The following NDUFV1 variants were observed in gnomAD, a reference collection of about 807,000 sequenced individuals.
The protein encoded by NDUFV1 is NADH dehydrogenase [ubiquinone] flavoprotein 1, mitochondrial.
Under a neutral mutation model 48.7 loss-of-function variants are expected in NDUFV1, and 41 were observed. The ratio of observed to expected loss-of-function variants is 0.84; its 90% confidence interval spans 0.66 to 1.09. The LOEUF (loss-of-function observed/expected upper bound fraction) is 1.09. Among genes scored for constraint, NDUFV1 ranks in the 50% least tolerant of loss-of-function variants. The probability of loss-of-function intolerance (pLI) is 0.00; values close to 1 mark genes in which losing one functional copy is unlikely to be tolerated. For missense variants in NDUFV1, 580 were observed against 645.4 expected (o/e 0.90, Z 1.10); for synonymous variants, 231 against 259.1 (o/e 0.89, Z 1.04).
intron 4 of NDUFV1, chr11:67,609,912 ATGTG>A (rs1854880436): frequency 2.2e-6 from 1 of 448,156 alleles, no homozygotes; most frequent in East Asian, 4.1e-5. Flanking sequence ...AAGTGGAACT[ATGTG>A]TTTAGCAAGA....
chr11:67,607,319 T>G, intron 1 of NDUFV1: 1 of 683,340 alleles, frequency 1.5e-6, no homozygotes, highest in Non-Finnish European at 2.7e-6. Context: ...GGCGGAAGTT[T>G]TGCAGGTTGT....
In NDUFV1 at chr11:67,611,243, C is replaced by T. The variant is rs759644492; in HGVS notation, c.913+36C>T. 1.4e-5 allele frequency: 23 copies of T among 1,606,228 alleles called. No individual in the cohort carries two copies. The highest frequency in any genetic ancestry group is 1.7e-4 in the Middle Eastern group (1 of 5,994). On this transcript the variant is annotated intron_variant, in intron 6 of 9. Coordinates refer to ENST00000322776, the MANE Select transcript of NDUFV1 (RefSeq NM_007103.4). This position sits in a 1 kb window ranked among gnomAD's most constrained non-coding sequence, Gnocchi z 4.2. ...GGGCCAGCCAGGTGGTGGGGGGGTG[C>T]GCAGTGGGGGCAGGTGTCCACAAAG...
rs774011070 is a variant in NDUFV1 at position 67,608,771 on chromosome 11, G to A, written c.326+49G>A. 3 of 1,608,222 alleles carry A rather than the reference G, an allele frequency of 1.9e-6. No individual in the cohort carries two copies. In the South Asian group the frequency reaches 3.3e-5, roughly 18 times the overall value. Reference sequence around the variant, plus strand: ...ATGTGGCTGTGGGAGAGACCTTGGGGGTGGCTGGGGTTTCCCTGGGCCTTT... The same window carrying A: ...ATGTGGCTGTGGGAGAGACCTTGGGAGTGGCTGGGGTTTCCCTGGGCCTTT... On this transcript the variant is annotated intron_variant, in intron 3 of 9. Coordinates refer to ENST00000322776, the MANE Select transcript of NDUFV1 (RefSeq NM_007103.4).
Position 67,610,406 on chromosome 11 carries a change from C to A in NDUFV1, c.536C>A (p.Ala179Glu). Reference sequence around the variant, plus strand: ...GTGGCCATCCGAGAGGCCTATGAGGCAGGTCTGATTGGCAAGAATGCTTGT... The same window carrying A: ...GTGGCCATCCGAGAGGCCTATGAGGAAGGTCTGATTGGCAAGAATGCTTGT... ...LQVAIREAYE[A>E]GLIGKNACGS... is the part of the protein sequence containing the mutation. The change falls in exon 5 of 10, where the codon GCA becomes GAA. Residue 179 changes from alanine to glutamate, a missense_variant. Physicochemically the swap from Ala to Glu is moderately radical, Grantham distance 107. Coordinates refer to ENST00000322776, the MANE Select transcript of NDUFV1 (RefSeq NM_007103.4). The A allele has an allele frequency of 6.2e-7, 1 of 1,614,154 alleles. No individual in the cohort carries two copies. The highest frequency in any genetic ancestry group is 8.5e-7 in the Non-Finnish European group (1 of 1,180,032).
rs546633194 is a variant in NDUFV1 at position 67,606,982 on chromosome 11, G to A, written c.-23G>A. The A allele has an allele frequency of 1.6e-5, 26 of 1,606,120 alleles. No homozygotes were observed. The East Asian group carries it at 1.8e-4, about 11-fold the overall frequency. On this transcript the variant is annotated 5_prime_UTR_variant, in exon 1 of 10. Transcript: ENST00000322776. ...CAGTGCTATGAAGGTGACAGCGTGA[G>A]GTGACCCATCTGGCCCGCCGCGATG...
At position 67,612,333 on chromosome 11, in the gene NDUFV1, T is replaced by C; in HGVS notation, c.1309-39T>C. Reference sequence around the variant, plus strand: ...CAAGGGCCCAGGGTGTTGGGGGATTTTTGGACTCTGTTTCACATGGTCCCC... The same window carrying C: ...CAAGGGCCCAGGGTGTTGGGGGATTCTTGGACTCTGTTTCACATGGTCCCC... On this transcript the variant is annotated intron_variant, in intron 9 of 9. Coordinates refer to ENST00000322776, the MANE Select transcript of NDUFV1 (RefSeq NM_007103.4). This position sits in a 1 kb window ranked among gnomAD's most constrained non-coding sequence, Gnocchi z 4.4. The C allele has an allele frequency of 6.2e-7, 1 of 1,613,836 alleles. No homozygotes were observed.
Position 67,612,468 on chromosome 11 carries a change from C to G in NDUFV1, c.*10C>G, listed in dbSNP as rs1329372094. 6.2e-7 allele frequency: 1 copy of G among 1,609,894 alleles called. No homozygotes were observed. Among genetic ancestry groups the G allele is most frequent in the Admixed American group, 1.7e-5 (1 of 59,788 alleles). On this transcript the variant is annotated 3_prime_UTR_variant, in exon 10 of 10. Transcript: ENST00000322776. This position sits in a 1 kb window ranked among gnomAD's most constrained non-coding sequence, Gnocchi z 4.4. The stretch of plus-strand genomic sequence containing the variant: ...GCAGGCTGCCTCTTAGCCCACCACC[C>G]TGGCCTGCTGTCCTGCGTCTATCCA...
At position 67,609,563 on chromosome 11, in the gene NDUFV1, C is replaced by G. The variant is rs1466565308; in HGVS notation, c.438C>G (p.Gly146=). 1 of 1,612,548 alleles carries G rather than the reference C, an allele frequency of 6.2e-7. No individual in the cohort carries two copies. Among genetic ancestry groups the G allele is most frequent in the Non-Finnish European group, 8.5e-7 (1 of 1,179,886 alleles). ...TGCTGGAAGGCTGCCTGGTGGGGGG[C>G]CGGGCCATGGGCGCCCGCGCTGCCT... is the stretch of plus-strand genomic sequence containing the variant. ...HKLLEGCLVG[G]RAMGARAAYI... is the part of the protein sequence containing the mutation. The change falls in exon 4 of 10, where the codon GGC becomes GGG. Residue 146 remains glycine, a synonymous_variant. Coordinates refer to ENST00000322776, the MANE Select transcript of NDUFV1 (RefSeq NM_007103.4).
chr11:67,607,395 C>G (rs1249508854), intron 1 of NDUFV1: 2 of 559,522 alleles, frequency 3.6e-6, no homozygotes, highest in Non-Finnish European at 3.4e-6. Flanking sequence ...GTCATTGCCC[C>G]ATTTAGGGAT....
Position 67,611,623 on chromosome 11 carries a change from C to T in NDUFV1, c.1080+54C>T. On this transcript the variant is annotated intron_variant, in intron 7 of 9. Transcript: ENST00000322776. This position sits in a 1 kb window ranked among gnomAD's most constrained non-coding sequence, Gnocchi z 4.2. Reference sequence around the variant, plus strand: ...CTGCCCTCCTGGTTGCTGTCTCCCTCCCTGGGCCTCCCAGAAAACCCTCTT... The same window carrying T: ...CTGCCCTCCTGGTTGCTGTCTCCCTTCCTGGGCCTCCCAGAAAACCCTCTT... 1 of 1,571,596 alleles carries T rather than the reference C, an allele frequency of 6.4e-7. No homozygotes were observed.
Position 67,608,445 on chromosome 11 carries a change from T to G in NDUFV1, c.122T>G (p.Ile41Ser). 6.2e-7 allele frequency: 1 copy of G among 1,614,048 alleles called. No individual in the cohort carries two copies. Among genetic ancestry groups the G allele is most frequent in the East Asian group, 2.2e-5 (1 of 44,880 alleles). ...SFGSLKDEDR[I>S]FTNLYGRHDW... ...GGCTCGCTGAAGGATGAAGACCGGA[T>G]TTTCACCAACCTGTACGGCCGCCAT... Residue 41 changes from isoleucine to serine, a missense_variant, in exon 2 of 10, where the codon ATT (isoleucine) becomes AGT (serine). By Grantham distance (142) the Ile-to-Ser change is moderately radical (BLOSUM62 -2). Transcript: ENST00000322776.
rs1555025756 is a variant in NDUFV1 at position 67,611,439 on chromosome 11, T to G, written c.950T>G (p.Val317Gly). Residue 317 changes from valine to glycine, a missense_variant, in exon 7 of 10, where the codon GTG (valine) becomes GGG (glycine). By Grantham distance (109) the Val-to-Gly change is moderately radical. Transcript: ENST00000322776. The surrounding 1 kb of genome is among the most constrained non-coding windows in gnomAD (Gnocchi z 4.2). ...VTGGWDNLLAVIPGGSSTPLI... is the reference protein window; with the variant it reads ...VTGGWDNLLAGIPGGSSTPLI... Reference sequence around the variant, plus strand: ...GGCGGCTGGGACAACCTCCTTGCTGTGATCCCTGGCGGCTCGTCTACCCCA... The same window carrying G: ...GGCGGCTGGGACAACCTCCTTGCTGGGATCCCTGGCGGCTCGTCTACCCCA... 1 of 1,614,120 alleles carries G rather than the reference T, an allele frequency of 6.2e-7. No individual in the cohort carries two copies. The highest frequency in any genetic ancestry group is 8.5e-7 in the Non-Finnish European group (1 of 1,180,008).
chr11:67,608,840 G>T (rs1258089869), intron 3 of NDUFV1, 118 bp downstream of exon 3: 8 of 1,418,648 alleles, frequency 5.6e-6, no homozygotes, highest in Non-Finnish European at 7.8e-6. Context: ...GTGGGCACAT[G>T]TTCCCAGGCC....
At chr11:67,610,717 C>T in intron 5 of NDUFV1, 147 bp downstream of exon 5, 3 of 1,154,756 alleles carry the variant, frequency 2.6e-6, no homozygotes, top group Non-Finnish European at 3.7e-6. Flanking sequence ...ACACAGGCTC[C>T]CCCAGGGCCG....
At position 67,611,491 on chromosome 11, in the gene NDUFV1, G is replaced by A. The variant is rs746932829; in HGVS notation, c.1002G>A (p.Thr334=). Residue 334 remains threonine (T), a synonymous_variant, in exon 7 of 10, where the codon ACG becomes ACA. Coordinates refer to ENST00000322776, the MANE Select transcript of NDUFV1 (RefSeq NM_007103.4). The surrounding 1 kb of genome is among the most constrained non-coding windows in gnomAD (Gnocchi z 4.2). ...TPLIPKSVCE[T]VLMDFDALVQ... is the part of the protein sequence containing the mutation. ...TGATCCCCAAGTCTGTGTGTGAGACGGTGCTGATGGACTTCGATGCGCTGG... is the reference window on the plus strand; with the variant it reads ...TGATCCCCAAGTCTGTGTGTGAGACAGTGCTGATGGACTTCGATGCGCTGG... The A allele has an allele frequency of 4.3e-6, 7 of 1,613,804 alleles. No homozygotes were observed. Among genetic ancestry groups the A allele is most frequent in the African/African-American group, 4.0e-5 (3 of 74,908 alleles).
In NDUFV1 at chr11:67,609,644, G is replaced by T; in HGVS notation, c.510+9G>T. 2 of 1,601,658 alleles carry T rather than the reference G, an allele frequency of 1.2e-6. No homozygotes were observed. Among genetic ancestry groups the T allele is most frequent in the Non-Finnish European group, 1.7e-6 (2 of 1,179,886 alleles). On this transcript the variant is annotated intron_variant, in intron 4 of 9. Coordinates refer to ENST00000322776, the MANE Select transcript of NDUFV1 (RefSeq NM_007103.4). ...AGGCCTCCAATCTGCAGGTGGGTAG[G>T]GAGAGATGTAGACAGATGAGAAGGT...
At chr11:67,607,221 G>C (rs1854823096) in intron 1 of NDUFV1, 145 bp downstream of exon 1, 1 of 929,246 alleles carries the variant, frequency 1.1e-6, no homozygotes, top group African/African-American at 1.6e-5. Context: ...CTCCGGCCTG[G>C]TTGAAGTAGG....
chr11:67,612,417 C>T lies in NDUFV1; in HGVS notation c.1354C>T (p.Arg452Trp), dbSNP rs376471147. 2.7e-5 allele frequency: 43 copies of T among 1,612,486 alleles called. No individual in the cohort carries two copies. Among genetic ancestry groups the T allele is most frequent in the African/African-American group, 1.5e-4 (11 of 74,902 alleles). Residue 452 changes from arginine (R) to tryptophan (W), a missense_variant, in exon 10 of 10, where the codon CGG (arginine) becomes TGG (tryptophan). By Grantham distance (101) the Arg-to-Trp change is moderately radical (BLOSUM62 -3). Coordinates refer to ENST00000322776, the MANE Select transcript of NDUFV1 (RefSeq NM_007103.4). This position sits in a 1 kb window ranked among gnomAD's most constrained non-coding sequence, Gnocchi z 4.4. ...GCCGGAGCTCGAGGAGCGGATGCAG[C>T]GGTTTGCCCAGCAGCATCAGGCCCG... is the stretch of plus-strand genomic sequence containing the variant. ...FRPELEERMQ[R>W]FAQQHQARQA...
At chr11:67,607,205 C>G in intron 1 of NDUFV1, 129 bp downstream of exon 1, 1 of 1,067,426 alleles carries the variant, frequency 9.4e-7, no homozygotes, top group Non-Finnish European at 1.4e-6. Context: ...GGCGGGAAGG[C>G]CCCCGCTCCG....
Sources: allele counts gnomAD v4.1 joint callset, GRCh38; gene constraint gnomAD v4.1.1; non-coding constraint Gnocchi (gnomAD v3.1); transcripts MANE v1.5; gene names NCBI Gene and HGNC (gene_info 2026-07-23, HGNC 2026-07-21).